Variants in PPP2R2B observed in about 807,000 individuals in gnomAD.
PPP2R2B encodes the protein serine/threonine-protein phosphatase 2A 55 kDa regulatory subunit B beta isoform.
Under a neutral mutation model 46.0 loss-of-function variants are expected in PPP2R2B, and 5 were observed. The ratio of observed to expected loss-of-function variants is 0.11; its 90% CI spans 0.06 to 0.23. The LOEUF (loss-of-function observed/expected upper bound fraction) is 0.23. Among genes scored for constraint, PPP2R2B ranks in the 10% least tolerant of loss-of-function variants. The pLI, the probability that PPP2R2B is intolerant of heterozygous loss-of-function variation, is 1.00. For missense variants in PPP2R2B, 367 were observed against 575.0 expected, an observed-to-expected ratio of 0.64 and a Z score of 3.70; for synonymous variants, 215 against 206.7, an observed-to-expected ratio of 1.04 and a Z score of -0.34.
At chr5:146,768,950 T>C (rs1754666944) in intron 2 of PPP2R2B, among the ~76,000 whole-genome samples, 1 of 151,868 alleles carries the variant, frequency 6.6e-6, no homozygotes, top group East Asian at 1.9e-4. Context: ...GCTGAATTGC[T>C]CACTTTAACC....
At chr5:146,966,663 G>A (rs1243094766) in intron 1 of PPP2R2B, among the ~76,000 whole-genome samples, 1 of 152,208 alleles carries the variant, frequency 6.6e-6, no homozygotes, top group Non-Finnish European at 1.5e-5. Context: ...GTGGGGCCAT[G>A]TGAGCCTTAT....
chr5:146,972,107 C>T (rs376041991), intron 1 of PPP2R2B, among the ~76,000 whole-genome samples: 1 of 152,114 alleles, frequency 6.6e-6, no homozygotes, highest in African/African-American at 2.4e-5. Context: ...TCTTCCTTTG[C>T]TCTTCATGAC....
intron 2 of PPP2R2B, among the ~76,000 whole-genome samples, chr5:146,762,089 C>T (rs1754200535): frequency 6.6e-6 from 1 of 152,116 alleles, no homozygotes; most frequent in African/African-American, 2.4e-5. Flanking sequence ...TCCAAATGGC[C>T]ACTCAAACAT....
At chr5:146,977,035 A>G (rs1296531356) in intron 1 of PPP2R2B, among the ~76,000 whole-genome samples, 1 of 123,278 alleles carries the variant, frequency 8.1e-6, no homozygotes. Context: ...CAGGCCAACA[A>G]ATCCCAAACA....
intron 2 of PPP2R2B, among the ~76,000 whole-genome samples, chr5:146,704,867 C>T (rs995156926): frequency 2.6e-5 from 4 of 152,120 alleles, no homozygotes; most frequent in African/African-American, 4.8e-5. Flanking sequence ...GTGAGGCTTA[C>T]GGAAACAGAG....
chr5:146,931,308 G>A (rs1242120047), intron 1 of PPP2R2B, among the ~76,000 whole-genome samples: 1 of 152,122 alleles, frequency 6.6e-6, no homozygotes, highest in Non-Finnish European at 1.5e-5. Flanking sequence ...TACACAATGG[G>A]AAATGGAGGT....
intron 2 of PPP2R2B, among the ~76,000 whole-genome samples, chr5:147,078,808 A>AC (rs1757879744): frequency 4.5e-5 from 1 of 22,310 alleles, no homozygotes. Context: ...ACTCCGTCTC[A>AC]AAAAAAAAAA....
chr5:146,948,807 T>C (rs1764566242), intron 1 of PPP2R2B, among the ~76,000 whole-genome samples: 1 of 152,096 alleles, frequency 6.6e-6, no homozygotes, highest in African/African-American at 2.4e-5. Flanking sequence ...AGTAGATACA[T>C]TTGACAGGTA....
intron 2 of PPP2R2B, among the ~76,000 whole-genome samples, chr5:146,737,983 C>G (rs1752639813): frequency 6.6e-6 from 1 of 151,858 alleles, no homozygotes; most frequent in African/African-American, 2.4e-5. Flanking sequence ...GAAACCTACT[C>G]AGACCTGGGG....
intron 1 of PPP2R2B, among the ~76,000 whole-genome samples, chr5:146,987,024 A>T (rs1348449645): frequency 1.3e-5 from 2 of 152,134 alleles, no homozygotes; most frequent in African/African-American, 4.8e-5. Flanking sequence ...AGAAGAAAAC[A>T]ACAGATAAAG....
chr5:146,812,791 G>GTATATATATATATATATATATATA (rs1239921320), intron 2 of PPP2R2B, among the ~76,000 whole-genome samples: 322 of 9,902 alleles, frequency 0.033, 33 homozygotes, highest in Middle Eastern at 0.1. Flanking sequence ...GTGTATATGT[G>GTATATATATATATATATATATATA]TGTATATATA....
chr5:146,628,914 T>C (rs953467450), intron 7 of PPP2R2B, among the ~76,000 whole-genome samples: 3 of 152,186 alleles, frequency 2.0e-5, no homozygotes, highest in Non-Finnish European at 4.4e-5. Context: ...CTTACATGTG[T>C]TGGTTTTCTG....
intron 1 of PPP2R2B, among the ~76,000 whole-genome samples, chr5:146,982,611 T>C (rs1753228046): frequency 6.6e-6 from 1 of 152,202 alleles, no homozygotes; most frequent in Non-Finnish European, 1.5e-5. Flanking sequence ...AGTTGTCCTA[T>C]CAATTGTTAA....
intron 1 of PPP2R2B, among the ~76,000 whole-genome samples, chr5:147,005,023 A>G (rs1347417736): frequency 6.6e-6 from 1 of 152,186 alleles, no homozygotes; most frequent in Non-Finnish European, 1.5e-5. Context: ...AAGGAAGTTT[A>G]TGGCTATCAG....
intron 1 of PPP2R2B, among the ~76,000 whole-genome samples, chr5:146,986,969 C>T (rs184709570): frequency 3.2e-4 from 49 of 152,098 alleles, no homozygotes; most frequent in Non-Finnish European, 6.3e-4. Flanking sequence ...AATAAACTCT[C>T]AAATGTCAAA....
intron 2 of PPP2R2B, among the ~76,000 whole-genome samples, chr5:146,787,971 T>C (rs1227800168): frequency 6.6e-6 from 1 of 152,178 alleles, no homozygotes. Context: ...GTCTCTCTAC[T>C]ATAGTTAAGG....
intron 1 of PPP2R2B, among the ~76,000 whole-genome samples, chr5:147,024,814 G>A (rs1177589078): frequency 2.0e-5 from 3 of 152,000 alleles, no homozygotes; most frequent in Non-Finnish European, 4.4e-5. Flanking sequence ...TGCAGATAAA[G>A]GCACACTTAG....
chr5:146,812,667 GTATATATATATATATA>G (rs1186426182), intron 2 of PPP2R2B, among the ~76,000 whole-genome samples: 12 of 638 alleles, frequency 0.019, 1 homozygote, highest in Non-Finnish European at 0.057. Context: ...CCTCAGAAGA[GTATATATATATATATA>G]TATATATATA....
At chr5:146,871,614 C>T (rs1161239854) in intron 2 of PPP2R2B, among the ~76,000 whole-genome samples, 3 of 152,186 alleles carry the variant, frequency 2.0e-5, no homozygotes, top group Admixed American at 6.5e-5. Flanking sequence ...GGCCCAGAGA[C>T]GTGCACTGCT....
Sources: allele counts gnomAD v4.1 joint callset (sites outside exome capture counted in the v4.1 genomes callset), GRCh38; gene constraint gnomAD v4.1.1; transcripts MANE v1.5; gene names NCBI Gene and HGNC (gene_info 2026-07-23, HGNC 2026-07-21).